Variants in TENM2 observed in about 807,000 individuals in gnomAD.
TENM2 encodes the protein teneurin-2.
Under a neutral mutation model 245.2 loss-of-function variants are expected in TENM2, and 52 were observed. The observed-to-expected ratio is 0.21, with a 90% CI of 0.17 to 0.27. The LOEUF (loss-of-function observed/expected upper bound fraction) is 0.27, where lower values mean the gene tolerates loss of function less well. Ranked by LOEUF, TENM2 falls within the 10% of genes least tolerant of loss-of-function variation. TENM2 has a pLI of 1.00. For missense variants in TENM2, 3,046 were observed against 3,666.8 expected (o/e 0.83, Z 4.37); for synonymous variants, 1,363 against 1,438.9 (o/e 0.95, Z 1.19).
At chr5:167,059,663 G>GTTGTTTGATACTTCAAATGC in the TENM2 span, among the ~76,000 whole-genome samples, 2 of 143,564 alleles carry the variant, frequency 1.4e-5, no homozygotes, top group African/African-American at 5.0e-5. Flanking sequence ...GTTACTGATA[G>GTTGTTTGATACTTCAAATGC]TTATTTGATA....
intron 2 of TENM2, among the ~76,000 whole-genome samples, chr5:167,685,246 A>C (rs893380206): frequency 1.3e-5 from 2 of 152,206 alleles, no homozygotes; most frequent in Non-Finnish European, 2.9e-5. Flanking sequence ...ATTAAAAGTT[A>C]TCTCTTCCTT....
At chr5:167,979,844 G>A (rs771725690) in intron 4 of TENM2, among the ~76,000 whole-genome samples, 3 of 152,116 alleles carry the variant, frequency 2.0e-5, no homozygotes, top group African/African-American at 2.4e-5. Context: ...GGAATAATAC[G>A]AACATGATGT....
chr5:167,333,184 A>G (rs1437667327), intron 1 of TENM2, among the ~76,000 whole-genome samples: 1 of 152,220 alleles, frequency 6.6e-6, no homozygotes, highest in Non-Finnish European at 1.5e-5. Flanking sequence ...CATAACAGGA[A>G]AACTAGGCTG....
chr5:167,514,629 T>C (rs993222854), intron 2 of TENM2, among the ~76,000 whole-genome samples: 1 of 152,326 alleles, frequency 6.6e-6, no homozygotes, highest in East Asian at 1.9e-4. Context: ...GCTTCCCAAG[T>C]GCTTCTTGGA....
At chr5:167,414,065 G>A (rs998811492) in intron 2 of TENM2, among the ~76,000 whole-genome samples, 1 of 152,102 alleles carries the variant, frequency 6.6e-6, no homozygotes. Flanking sequence ...GGTCACATTG[G>A]ATGGACATTT....
At chr5:167,813,971 A>T (rs1766843128) in intron 2 of TENM2, among the ~76,000 whole-genome samples, 1 of 152,126 alleles carries the variant, frequency 6.6e-6, no homozygotes, top group Non-Finnish European at 1.5e-5. Context: ...TCTACAATGA[A>T]GGTAGCAGTT....
At chr5:167,074,108 C>T in the TENM2 span, among the ~76,000 whole-genome samples, 2 of 152,172 alleles carry the variant, frequency 1.3e-5, no homozygotes, top group East Asian at 3.9e-4. Context: ...CATTAATGCA[C>T]TATGCAATTT....
chr5:167,058,576 T>C, the TENM2 span, among the ~76,000 whole-genome samples: 19 of 152,180 alleles, frequency 1.2e-4, no homozygotes, highest in African/African-American at 4.6e-4. Context: ...TTGGTTAACA[T>C]AGCAAGACCC....
At chr5:167,673,125 C>A (rs1756073605) in intron 2 of TENM2, among the ~76,000 whole-genome samples, 1 of 150,658 alleles carries the variant, frequency 6.6e-6, no homozygotes, top group African/African-American at 2.4e-5. Flanking sequence ...TGTGTAGATG[C>A]CACTTATTAT....
At chr5:167,101,835 TTATATATATATATTTATA>T in the TENM2 span, among the ~76,000 whole-genome samples, 8 of 50,860 alleles carry the variant, frequency 1.6e-4, no homozygotes, top group East Asian at 5.6e-4. Context: ...CTCTTGACAT[TTATATATATATATTTATA>T]TATATATATA....
chr5:167,578,862 A>C (rs886706210), intron 2 of TENM2, among the ~76,000 whole-genome samples: 12 of 152,194 alleles, frequency 7.9e-5, no homozygotes, highest in Admixed American at 7.2e-4. Flanking sequence ...ATGTGAACAT[A>C]TAAGCTGTTT....
intron 2 of TENM2, among the ~76,000 whole-genome samples, chr5:167,551,450 T>A (rs1480322321): frequency 2.0e-5 from 3 of 152,164 alleles, no homozygotes; most frequent in Admixed American, 1.3e-4. Flanking sequence ...CATCTATACA[T>A]CTGTCAACAG....
chr5:167,355,947 C>T (rs1643865208), intron 1 of TENM2, among the ~76,000 whole-genome samples: 3 of 148,846 alleles, frequency 2.0e-5, no homozygotes, highest in African/African-American at 7.5e-5. Context: ...CTTTGGGAGG[C>T]CGAGGCGGGC....
intron 25 of TENM2, among the ~76,000 whole-genome samples, chr5:168,234,099 G>A (rs893178584): frequency 6.6e-6 from 1 of 151,804 alleles, no homozygotes; most frequent in Non-Finnish European, 1.5e-5. Context: ...TTTCTCTCTC[G>A]GCAGTTGACC....
intron 1 of TENM2, among the ~76,000 whole-genome samples, chr5:167,360,947 G>A (rs1054146688): frequency 8.5e-5 from 13 of 152,102 alleles, no homozygotes; most frequent in South Asian, 2.1e-4. Flanking sequence ...AACAAAGTGC[G>A]TGGGTTTCCT....
chr5:168,127,345 C>T (rs1485164330), intron 12 of TENM2, among the ~76,000 whole-genome samples: 7 of 152,170 alleles, frequency 4.6e-5, no homozygotes, highest in Admixed American at 3.9e-4. Flanking sequence ...TCCCTGCTTG[C>T]TGGCAACAAG....
At chr5:167,286,416 CTTTGT>C (rs1466174737) in intron 1 of TENM2, among the ~76,000 whole-genome samples, 1 of 152,090 alleles carries the variant, frequency 6.6e-6, no homozygotes, top group African/African-American at 2.4e-5. Context: ...AGTGTTTTTG[CTTTGT>C]TAAGTCCTCA....
At chr5:167,790,301 A>G (rs1019008228) in intron 2 of TENM2, among the ~76,000 whole-genome samples, 2 of 152,202 alleles carry the variant, frequency 1.3e-5, no homozygotes, top group African/African-American at 2.4e-5. Context: ...GGGAGAGACT[A>G]AGCTGGTGAA....
intron 2 of TENM2, among the ~76,000 whole-genome samples, chr5:167,455,123 C>A (rs886920377): frequency 1.3e-5 from 2 of 152,188 alleles, no homozygotes; most frequent in African/African-American, 4.8e-5. Flanking sequence ...TTCTTCCTGT[C>A]TTCATGCCAT....
Sources: allele counts gnomAD v4.1 joint callset (sites outside exome capture counted in the v4.1 genomes callset), GRCh38; gene constraint gnomAD v4.1.1; transcripts MANE v1.5; gene names NCBI Gene and HGNC (gene_info 2026-07-23, HGNC 2026-07-21).